The following DNAJC5B variants were observed in gnomAD, a reference collection of about 807,000 sequenced individuals.
DNAJC5B encodes DnaJ heat shock protein family (Hsp40) member C5 beta.
Under a neutral mutation model 24.7 loss-of-function variants are expected in DNAJC5B, and 23 were observed. That is an observed-to-expected ratio of 0.93 (90% CI 0.67 to 1.32). DNAJC5B has a LOEUF of 1.32. Among genes scored for constraint, DNAJC5B ranks in the 40% most tolerant of loss-of-function variants. The pLI is 0.00. For synonymous variants in DNAJC5B, 101 were observed against 90.1 expected (o/e 1.12, Z -0.68); for missense variants, 238 against 240.8 (o/e 0.99, Z 0.08).
At chr8:66,077,480 G>A (rs531060846) in intron 4 of DNAJC5B, among the ~76,000 whole-genome samples, 2 of 152,236 alleles carry the variant, frequency 1.3e-5, no homozygotes, top group South Asian at 2.1e-4. Context: ...ATTGACTTTC[G>A]TGTGGTAAAT....
chr8:66,095,338 C>T (rs6472247), intron 5 of DNAJC5B, among the ~76,000 whole-genome samples: 14,675 of 151,950 alleles, frequency 0.097, 1,115 homozygotes, highest in East Asian at 0.31. Context: ...TCTTATCCTT[C>T]ATACATCTAT....
At chr8:66,030,631 CT>C (rs965805705) in intron 1 of DNAJC5B, among the ~76,000 whole-genome samples, 6 of 151,240 alleles carry the variant, frequency 4.0e-5, no homozygotes, top group South Asian at 2.1e-4. Context: ...GTGGCATGTT[CT>C]TTTTTTTTCT....
chr8:66,084,647 G>A (rs1416362211), intron 5 of DNAJC5B, among the ~76,000 whole-genome samples: 1 of 152,114 alleles, frequency 6.6e-6, no homozygotes, highest in African/African-American at 2.4e-5. Context: ...CACCAAAGGA[G>A]GGCATAGAGT....
upstream of DNAJC5B, among the ~76,000 whole-genome samples, chr8:66,020,550 C>A (rs1305108015): frequency 6.6e-6 from 1 of 150,962 alleles, no homozygotes; most frequent in Non-Finnish European, 1.5e-5. Context: ...CCTCCCTGTC[C>A]CTTACTCAAC....
Position 66,080,306 on chromosome 8 carries a change from C to T in DNAJC5B, c.334-71C>T, listed in dbSNP as rs76648418. 12,031 of 1,561,104 alleles carry T rather than the reference C, an allele frequency of 7.7e-3. 796 individuals carry two copies. The African/African-American group carries it at 0.14, about 18-fold the overall frequency. ...GTCTCTGGGGGTACCTGGGTACAGA[C>T]TTGATTTCATGGGTTCTCCCCTCAC... is the stretch of plus-strand genomic sequence containing the variant. On this transcript the variant is annotated intron_variant, in intron 4 of 5. Transcript: ENST00000276570.
intron 1 of DNAJC5B, among the ~76,000 whole-genome samples, chr8:66,027,824 T>C (rs548444101): frequency 6.6e-6 from 1 of 152,296 alleles, no homozygotes; most frequent in African/African-American, 2.4e-5. Context: ...TTTTCCACAC[T>C]CCTTTCTATG....
intron 5 of DNAJC5B, among the ~76,000 whole-genome samples, chr8:66,084,913 C>T (rs1036558516): frequency 2.0e-5 from 3 of 152,054 alleles, no homozygotes; most frequent in African/African-American, 7.2e-5. Flanking sequence ...AGACTTTCTC[C>T]AATGTTTTCT....
chr8:66,091,586 G>A (rs892143402), intron 5 of DNAJC5B, among the ~76,000 whole-genome samples: 1 of 152,114 alleles, frequency 6.6e-6, no homozygotes, highest in Non-Finnish European at 1.5e-5. Context: ...TCAAGTAATC[G>A]AATGAAGCAG....
At chr8:66,073,651 CAT>C (rs1807398733) in intron 3 of DNAJC5B, among the ~76,000 whole-genome samples, 2 of 152,144 alleles carry the variant, frequency 1.3e-5, no homozygotes, top group Non-Finnish European at 1.5e-5. Context: ...TAAAGCATCA[CAT>C]GTTAGACTGT....
intron 3 of DNAJC5B, among the ~76,000 whole-genome samples, chr8:66,060,815 A>C (rs1171915909): frequency 1.3e-5 from 2 of 152,182 alleles, no homozygotes; most frequent in African/African-American, 2.4e-5. Context: ...TTCATTATTC[A>C]ACGAATATGT....
chr8:66,077,214 G>C (rs1807486921), intron 4 of DNAJC5B, among the ~76,000 whole-genome samples: 1 of 152,138 alleles, frequency 6.6e-6, no homozygotes, highest in African/African-American at 2.4e-5. Flanking sequence ...TTATTACGGG[G>C]CAAATTTAGC....
chr8:66,033,969 C>T (rs577016099), intron 1 of DNAJC5B, among the ~76,000 whole-genome samples: 47 of 152,166 alleles, frequency 3.1e-4, no homozygotes, highest in African/African-American at 1.1e-3. Flanking sequence ...ACCTGGGATG[C>T]TCAGAATTGG....
intron 1 of DNAJC5B, among the ~76,000 whole-genome samples, chr8:66,038,208 A>C (rs1806530620): frequency 6.6e-6 from 1 of 152,206 alleles, no homozygotes; most frequent in East Asian, 1.9e-4. Flanking sequence ...CACACCTAAC[A>C]GGTTACCTTT....
intron 1 of DNAJC5B, among the ~76,000 whole-genome samples, chr8:66,034,390 A>G (rs1761285374): frequency 6.6e-6 from 1 of 152,040 alleles, no homozygotes; most frequent in Non-Finnish European, 1.5e-5. Flanking sequence ...ATACAGTCCA[A>G]TGTTGGCTGG....
At position 66,082,402 on chromosome 8, in the gene DNAJC5B, G is replaced by T. The variant is rs1488308581; in HGVS notation, c.505+1854G>T. 2.0e-5 allele frequency among the ~76,000 whole-genome samples: 3 copies of T among 152,036 alleles called. No homozygotes were observed. In the East Asian group the frequency reaches 5.8e-4, roughly 29 times the overall value. On this transcript the variant is annotated intron_variant, in intron 5 of 5. Transcript: ENST00000276570. ...TCACAGTCTTTCCTGTTTTAAATTAGATAAAAGCTTCACCAGGTCATTTCA... is the reference window on the plus strand; with the variant it reads ...TCACAGTCTTTCCTGTTTTAAATTATATAAAAGCTTCACCAGGTCATTTCA...
chr8:66,052,974 G>T (rs1203878668), intron 3 of DNAJC5B, among the ~76,000 whole-genome samples: 1 of 152,040 alleles, frequency 6.6e-6, no homozygotes, highest in Admixed American at 6.5e-5. Context: ...GGAGTGCAGT[G>T]GTCTGATCAT....
intron 1 of DNAJC5B, among the ~76,000 whole-genome samples, chr8:66,042,438 C>A (rs1806630019): frequency 6.6e-6 from 1 of 152,094 alleles, no homozygotes; most frequent in South Asian, 2.1e-4. Flanking sequence ...AAATTTGAAA[C>A]ATAAACTAAA....
At position 66,097,539 on chromosome 8, in the gene DNAJC5B, T is replaced by G. The variant is rs572037432; in HGVS notation, c.506-2398T>G. The stretch of plus-strand genomic sequence containing the variant: ...TGGTTTTACTGACATATTTTCTGGG[T>G]TTTTTTTTCAATTATTTTCTTTTTA... On this transcript the variant is annotated intron_variant, in intron 5 of 5. Transcript: ENST00000276570. Among the ~76,000 whole-genome samples the G allele has an allele frequency of 1.4e-3, 205 of 146,736 alleles. 1 individual carries two copies. Among genetic ancestry groups the G allele is most frequent in the African/African-American group, 4.7e-3 (189 of 40,400 alleles).
the DNAJC5B span, among the ~76,000 whole-genome samples, chr8:66,016,137 C>T: frequency 5.9e-5 from 9 of 152,338 alleles, no homozygotes; most frequent in South Asian, 2.1e-4. Context: ...AAGGGTCAAA[C>T]GCTGTGTCCT....
Sources: gnomAD v4.1 joint callset for allele counts (sites outside exome capture counted in the v4.1 genomes callset) on GRCh38, gnomAD v4.1.1 for gene constraint, MANE v1.5 for transcripts, NCBI Gene and HGNC (gene_info 2026-07-23, HGNC 2026-07-21) for gene names.